Variants in SYT1 observed in about 807,000 individuals in gnomAD.
The protein encoded by SYT1 is synaptotagmin-1.
A neutral mutation model predicts 44.8 loss-of-function variants in SYT1; 8 were observed. That is an observed-to-expected ratio of 0.18 (90% confidence interval 0.10 to 0.32). The LOEUF (loss-of-function observed/expected upper bound fraction) is 0.32. SYT1 is among the 10% of genes least tolerant of loss of function. SYT1 has a pLI of 1.00. For missense variants in SYT1, 286 were observed against 509.3 expected (o/e 0.56, Z 4.22); for synonymous variants, 154 against 188.8 (o/e 0.82, Z 1.51).
chr12:78,990,671 G>A (rs905060310), intron 2 of SYT1, among the ~76,000 whole-genome samples: 2 of 152,036 alleles, frequency 1.3e-5, no homozygotes, highest in East Asian at 1.9e-4. Flanking sequence ...ATTTCATTTT[G>A]TTCACATATC....
At chr12:79,094,388 T>C (rs1427875100) in intron 3 of SYT1, among the ~76,000 whole-genome samples, 3 of 151,876 alleles carry the variant, frequency 2.0e-5, no homozygotes, top group African/African-American at 7.2e-5. Context: ...GTTTTAAAAG[T>C]ATTTAATTCA....
chr12:79,041,579 G>A (rs1873577602), intron 2 of SYT1, among the ~76,000 whole-genome samples: 2 of 152,250 alleles, frequency 1.3e-5, no homozygotes, highest in Non-Finnish European at 2.9e-5. Flanking sequence ...AACAGGGACA[G>A]TTTGACTTCT....
chr12:78,876,791 A>C (rs1489324651), intron 1 of SYT1, among the ~76,000 whole-genome samples: 1 of 92,142 alleles, frequency 1.1e-5, no homozygotes, highest in African/African-American at 4.7e-5. Context: ...TATATAATAC[A>C]TATAATATAT....
At chr12:79,034,289 C>G (rs895920694) in intron 2 of SYT1, among the ~76,000 whole-genome samples, 11 of 151,488 alleles carry the variant, frequency 7.3e-5, no homozygotes, top group Admixed American at 2.6e-4. Context: ...TAAATCTGTT[C>G]TCTTTCCTTT....
chr12:78,935,805 C>G (rs1878020727), intron 1 of SYT1, among the ~76,000 whole-genome samples: 1 of 151,882 alleles, frequency 6.6e-6, no homozygotes, highest in African/African-American at 2.4e-5. Flanking sequence ...TATTTAAGAG[C>G]TACAAACATA....
intron 7 of SYT1, among the ~76,000 whole-genome samples, chr12:79,297,202 AG>A (rs1879917406): frequency 6.6e-6 from 1 of 152,136 alleles, no homozygotes; most frequent in Admixed American, 6.5e-5. Flanking sequence ...TTCAAGACAA[AG>A]GTCCCTCATG....
intron 3 of SYT1, among the ~76,000 whole-genome samples, chr12:79,113,537 T>G (rs549276769): frequency 4.6e-5 from 7 of 152,176 alleles, no homozygotes; most frequent in African/African-American, 9.6e-5. Context: ...TGGAGATACA[T>G]ACTGTGTAGT....
intron 1 of SYT1, among the ~76,000 whole-genome samples, chr12:78,883,630 T>C (rs1436829304): frequency 6.6e-6 from 1 of 151,716 alleles, no homozygotes; most frequent in East Asian, 1.9e-4. Context: ...TGTATAATAA[T>C]ATATTCCAAT....
At chr12:79,038,476 G>A (rs182077734) in intron 2 of SYT1, among the ~76,000 whole-genome samples, 3 of 151,764 alleles carry the variant, frequency 2.0e-5, no homozygotes, top group Non-Finnish European at 4.4e-5. Flanking sequence ...ATAATGATCT[G>A]GACAGTGTCC....
chr12:79,323,119 T>C lies in SYT1; in HGVS notation c.810+23568T>C, dbSNP rs575967944. Among the ~76,000 whole-genome samples, 11 of 138,350 alleles carry C rather than the reference T, an allele frequency of 8.0e-5. No homozygotes were observed. In the South Asian group the frequency reaches 1.8e-3, roughly 23 times the overall value. The allele number at this position is 138,350 out of a possible 152,430, so 90.8% of individuals were successfully genotyped here. A position where few individuals can be genotyped will look rare whatever the true frequency, so the allele number is the denominator to read the frequency against. ...TCAAGCCTTACATGCATTTTCTCTC[T>C]TTTTTTTTTTTTTCACTTCTAATCT... is the stretch of plus-strand genomic sequence containing the variant. On this transcript the variant is annotated intron_variant, in intron 8 of 10. Transcript: ENST00000261205.
At chr12:79,268,461 C>A (rs969523077) in intron 4 of SYT1, among the ~76,000 whole-genome samples, 13 of 152,110 alleles carry the variant, frequency 8.5e-5, no homozygotes, top group Admixed American at 4.6e-4. Flanking sequence ...TCTGCCCAAG[C>A]AGACTGTAAA....
chr12:79,087,887 TCC>T (rs987730758), intron 3 of SYT1, among the ~76,000 whole-genome samples: 2 of 152,108 alleles, frequency 1.3e-5, no homozygotes, highest in Non-Finnish European at 2.9e-5. Context: ...CATTTTTTCC[TCC>T]CTCTTACAGA....
At chr12:78,974,774 T>C (rs904470549) in intron 1 of SYT1, among the ~76,000 whole-genome samples, 3 of 152,158 alleles carry the variant, frequency 2.0e-5, no homozygotes, top group Non-Finnish European at 4.4e-5. Context: ...TAGTTATTCC[T>C]GAGAATAGGT....
chr12:79,257,960 A>G (rs1307795517), intron 4 of SYT1, among the ~76,000 whole-genome samples: 1 of 152,190 alleles, frequency 6.6e-6, no homozygotes, highest in Non-Finnish European at 1.5e-5. Flanking sequence ...GATGTATCAC[A>G]ACATCTGAAT....
chr12:79,329,903 C>T (rs1425801577), intron 8 of SYT1, among the ~76,000 whole-genome samples: 1 of 152,186 alleles, frequency 6.6e-6, no homozygotes, highest in African/African-American at 2.4e-5. Flanking sequence ...TTTTCTAATT[C>T]ACTCCTTAAA....
At chr12:79,063,176 G>A (rs1875515744) in intron 3 of SYT1, among the ~76,000 whole-genome samples, 1 of 151,974 alleles carries the variant, frequency 6.6e-6, no homozygotes. Context: ...TCAGAAATGG[G>A]GTATGAATTT....
intron 3 of SYT1, among the ~76,000 whole-genome samples, chr12:79,107,056 TTAAGA>T (rs1878758617): frequency 6.6e-6 from 1 of 151,946 alleles, no homozygotes. Context: ...ATAAATGGAA[TTAAGA>T]AATAATAAAA....
chr12:79,267,124 A>C lies in SYT1; in HGVS notation c.167-18663A>C, dbSNP rs138383990. 3.6e-3 allele frequency among the ~76,000 whole-genome samples: 542 copies of C among 152,300 alleles called. 3 individuals are homozygous for C. Among genetic ancestry groups the C allele is most frequent in the African/African-American group, 0.012 (501 of 41,562 alleles). ...TGGAGGAAAAAAAATCCTTCCAAAA[A>C]ACAAGTAATAAGGCATTTTTGTTTA... On this transcript the variant is annotated intron_variant, in intron 4 of 10. Transcript: ENST00000261205.
intron 3 of SYT1, among the ~76,000 whole-genome samples, chr12:79,206,128 T>A (rs1316117749): frequency 6.6e-6 from 1 of 152,176 alleles, no homozygotes; most frequent in Non-Finnish European, 1.5e-5. Flanking sequence ...TTTGTCACTC[T>A]TGTGCACACA....
Sources: allele counts gnomAD v4.1 joint callset (sites outside exome capture counted in the v4.1 genomes callset), GRCh38; gene constraint gnomAD v4.1.1; transcripts MANE v1.5; gene names NCBI Gene and HGNC (gene_info 2026-07-23, HGNC 2026-07-21).